The following CSMD3 variants were observed in gnomAD, a reference collection of about 807,000 sequenced individuals.
The protein encoded by CSMD3 is CUB and sushi domain-containing protein 3.
CSMD3 carries 177 observed loss-of-function variants against 435.2 expected under a neutral mutation model. The observed-to-expected ratio is 0.41, with a 90% CI of 0.36 to 0.46. The LOEUF (loss-of-function observed/expected upper bound fraction) is 0.46, where lower values mean the gene tolerates loss of function less well. Ranked by LOEUF, CSMD3 falls within the 20% of genes least tolerant of loss-of-function variation. The pLI is 0.34. For synonymous variants in CSMD3, 1,656 were observed against 1,520.5 expected (o/e 1.09, Z -2.07); for missense variants, 4,265 against 4,504.6 (o/e 0.95, Z 1.52).
chr8:113,088,112 C>T (rs1372250695), intron 5 of CSMD3, among the ~76,000 whole-genome samples: 4 of 150,480 alleles, frequency 2.7e-5, no homozygotes, highest in East Asian at 3.9e-4. Flanking sequence ...TGAAAAAATG[C>T]TCACCATCAC....
intron 10 of CSMD3, among the ~76,000 whole-genome samples, chr8:112,861,166 C>T (rs1417876388): frequency 6.6e-6 from 1 of 151,678 alleles, no homozygotes; most frequent in Non-Finnish European, 1.5e-5. Flanking sequence ...GTGTCCAGTG[C>T]TTCTTCCTCA....
At chr8:112,241,246 G>T (rs1457449410) in intron 66 of CSMD3, among the ~76,000 whole-genome samples, 1 of 151,940 alleles carries the variant, frequency 6.6e-6, no homozygotes, top group Non-Finnish European at 1.5e-5. Context: ...CAAGGTTGTA[G>T]GGCTTTAAAG....
At chr8:112,492,411 C>G (rs138248283) in intron 31 of CSMD3, 78 bp downstream of exon 31, 1 of 1,142,348 alleles carries the variant, frequency 8.8e-7, no homozygotes, top group Non-Finnish European at 1.3e-6. Flanking sequence ...AGTTGATGTT[C>G]TGAAACACAG....
At chr8:113,391,819 G>C (rs558754135) in intron 1 of CSMD3, among the ~76,000 whole-genome samples, 1 of 151,816 alleles carries the variant, frequency 6.6e-6, no homozygotes, top group East Asian at 1.9e-4. Context: ...GAACTAGAGG[G>C]GCTAGAAGGG....
intron 9 of CSMD3, among the ~76,000 whole-genome samples, chr8:112,925,986 A>G (rs184253257): frequency 2.0e-4 from 31 of 152,338 alleles, no homozygotes; most frequent in African/African-American, 7.5e-4. Context: ...CTAATGAAGA[A>G]AAGCATCTAT....
At chr8:112,637,408 C>T (rs182154056) in intron 21 of CSMD3, among the ~76,000 whole-genome samples, 23 of 152,002 alleles carry the variant, frequency 1.5e-4, no homozygotes, top group African/African-American at 5.3e-4. Flanking sequence ...AATGCTTTTG[C>T]TTAATATTTT....
chr8:112,764,989 A>AT (rs2077939585), intron 13 of CSMD3, among the ~76,000 whole-genome samples: 2 of 151,642 alleles, frequency 1.3e-5, no homozygotes, highest in African/African-American at 4.8e-5. Context: ...TTCAAGAAAC[A>AT]AAATATTTCT....
chr8:112,575,010 T>C (rs1199552037), intron 23 of CSMD3, among the ~76,000 whole-genome samples: 1 of 152,000 alleles, frequency 6.6e-6, no homozygotes, highest in African/African-American at 2.4e-5. Flanking sequence ...TGTTTTATTA[T>C]TATTATATTA....
chr8:112,806,338 G>A (rs1275471876), intron 12 of CSMD3, among the ~76,000 whole-genome samples: 1 of 152,196 alleles, frequency 6.6e-6, no homozygotes, highest in Non-Finnish European at 1.5e-5. Context: ...GTTGGGAATA[G>A]ATGACACATT....
intron 3 of CSMD3, among the ~76,000 whole-genome samples, chr8:113,249,568 A>G (rs950134925): frequency 6.6e-6 from 1 of 152,052 alleles, no homozygotes; most frequent in Non-Finnish European, 1.5e-5. Flanking sequence ...AAGGTAAATA[A>G]ATATATACTA....
intron 59 of CSMD3, among the ~76,000 whole-genome samples, chr8:112,272,545 T>C (rs1817623109): frequency 1.3e-5 from 2 of 152,050 alleles, no homozygotes; most frequent in Admixed American, 1.3e-4. Flanking sequence ...GAATGGAAAA[T>C]TTCATCTATA....
chr8:113,435,632 C>G (rs1343050529), intron 1 of CSMD3, among the ~76,000 whole-genome samples: 7 of 151,798 alleles, frequency 4.6e-5, no homozygotes, highest in Non-Finnish European at 8.8e-5. Flanking sequence ...CCCCGCGACA[C>G]ACAGACACCC....
intron 47 of CSMD3, among the ~76,000 whole-genome samples, chr8:112,315,266 C>T (rs1379107068): frequency 6.6e-6 from 1 of 151,794 alleles, no homozygotes; most frequent in Non-Finnish European, 1.5e-5. Flanking sequence ...TATATCAACA[C>T]ACTATAAAAA....
At chr8:112,734,073 GA>G (rs1225883854) in intron 13 of CSMD3, among the ~76,000 whole-genome samples, 1 of 151,822 alleles carries the variant, frequency 6.6e-6, no homozygotes, top group Non-Finnish European at 1.5e-5. Flanking sequence ...ACATTATATT[GA>G]AGAGTAAGAC....
chr8:112,432,872 T>A (rs1813860357), intron 32 of CSMD3, among the ~76,000 whole-genome samples: 1 of 150,090 alleles, frequency 6.7e-6, no homozygotes, highest in Non-Finnish European at 1.5e-5. Flanking sequence ...GCCCAGGAGT[T>A]CAAGACCAGC....
In CSMD3 at chr8:112,302,979, G is replaced by T. The variant is rs557236376; in HGVS notation, c.8267-1013C>A. Among the ~76,000 whole-genome samples the T allele has an allele frequency of 5.9e-5, 9 of 151,486 alleles. No individual in the cohort carries two copies. In the South Asian group the frequency reaches 1.9e-3, roughly 32 times the overall value. On this transcript the variant is annotated intron_variant, in intron 52 of 70. Transcript: ENST00000297405. ...ATTAATTGCAATTCCTAAATTCCTT[G>T]CCATTCCCTCATTCTTACCTGTAGG...
chr8:112,828,999 A>C (rs2079782257), intron 12 of CSMD3, among the ~76,000 whole-genome samples: 1 of 152,134 alleles, frequency 6.6e-6, no homozygotes, highest in Non-Finnish European at 1.5e-5. Context: ...CCTTCTTGTA[A>C]AATTAAAAAG....
chr8:113,173,995 T>G, intron 3 of CSMD3, 79 bp from the exon 4 acceptor site: 1 of 985,158 alleles, frequency 1.0e-6, no homozygotes, highest in Non-Finnish European at 1.6e-6. Context: ...AAATTATATA[T>G]GTAGATATGG....
chr8:113,098,376 C>T lies in CSMD3; in HGVS notation c.917+380G>A. 9.4e-6 allele frequency: 2 copies of T among 212,690 alleles called. 1 individual carries two copies. The highest frequency in any genetic ancestry group is 1.5e-4 in the South Asian group (2 of 13,380). The allele number at this position is 212,690 out of a possible 1,614,324, so 13.2% of individuals were successfully genotyped here. Reference sequence around the variant, plus strand: ...TTTCTAAAGAAACAAACCATATTCCCCCAGATGATGGTGTTTAATTTTTGC... The same window carrying T: ...TTTCTAAAGAAACAAACCATATTCCTCCAGATGATGGTGTTTAATTTTTGC... On this transcript the variant is annotated intron_variant, in intron 5 of 70. Coordinates refer to ENST00000297405, the MANE Select transcript of CSMD3 (RefSeq NM_198123.2).
Sources: allele counts gnomAD v4.1 joint callset (sites outside exome capture counted in the v4.1 genomes callset), GRCh38; gene constraint gnomAD v4.1.1; transcripts MANE v1.5; gene names NCBI Gene and HGNC (gene_info 2026-07-23, HGNC 2026-07-21).